The following CHLSN variants were observed in gnomAD, a reference collection of about 807,000 sequenced individuals.
CHLSN encodes the protein protein cholesin.
chr7:1,123,939 G>A, the CHLSN span, among the ~76,000 whole-genome samples: 3 of 151,668 alleles, frequency 2.0e-5, no homozygotes, highest in South Asian at 4.1e-4. This position sits in a 1 kb window ranked among gnomAD's most constrained non-coding sequence, Gnocchi z 4.4. Flanking sequence ...AAAGGCTAAG[G>A]AACCAGCTCC....
chr7:987,264 G>T, the CHLSN span: 1 of 1,506,402 alleles, frequency 6.6e-7, no homozygotes, highest in African/African-American at 1.4e-5. Context: ...CCGGCGCCTG[G>T]CGAGACGGCT....
the CHLSN span, among the ~76,000 whole-genome samples, chr7:991,601 C>A: frequency 1.3e-5 from 2 of 152,246 alleles, no homozygotes; most frequent in Admixed American, 1.3e-4. Context: ...TGCACAGGCA[C>A]GTCCCGGGGG....
the CHLSN span, among the ~76,000 whole-genome samples, chr7:1,127,698 C>T: frequency 1.5e-3 from 76 of 50,806 alleles, no homozygotes; most frequent in African/African-American, 4.1e-3. Flanking sequence ...AGTGCAGTGG[C>T]ACAATCTCGG....
chr7:1,014,160 A>T, the CHLSN span, among the ~76,000 whole-genome samples: 1 of 152,218 alleles, frequency 6.6e-6, no homozygotes, highest in African/African-American at 2.4e-5. Flanking sequence ...CTCAACAAAT[A>T]CACTGAAAAC....
the CHLSN span, among the ~76,000 whole-genome samples, chr7:1,048,118 A>G: frequency 6.6e-6 from 1 of 152,180 alleles, no homozygotes; most frequent in Non-Finnish European, 1.5e-5. Flanking sequence ...TAAAATGTCA[A>G]GGACGAGCCA....
At chr7:1,077,063 CTG>C in the CHLSN span, among the ~76,000 whole-genome samples, 1 of 152,274 alleles carries the variant, frequency 6.6e-6, no homozygotes, top group Admixed American at 6.5e-5. Context: ...TAGCTCGAGA[CTG>C]TACGACAGGG....
At chr7:1,096,516 C>G in the CHLSN span, among the ~76,000 whole-genome samples, 1 of 152,198 alleles carries the variant, frequency 6.6e-6, no homozygotes, top group African/African-American at 2.4e-5. The surrounding 1 kb of genome is among the most constrained non-coding windows in gnomAD (Gnocchi z 4.6). Flanking sequence ...CAGCCACACA[C>G]GCCCTTCTCA....
At chr7:1,108,357 G>A in the CHLSN span, among the ~76,000 whole-genome samples, 4 of 95,926 alleles carry the variant, frequency 4.2e-5, no homozygotes, top group African/African-American at 1.3e-4. Flanking sequence ...GCTGTGTCCC[G>A]CACCCCGGGG....
chr7:1,043,060 G>A, the CHLSN span, among the ~76,000 whole-genome samples: 3 of 150,468 alleles, frequency 2.0e-5, no homozygotes, highest in African/African-American at 2.4e-5. Context: ...GAGACCAGCC[G>A]GACCAACATG....
chr7:1,021,678 C>T, the CHLSN span: 3 of 592,940 alleles, frequency 5.1e-6, no homozygotes, highest in African/African-American at 2.0e-5. Context: ...CCCGGCAGGT[C>T]GGCTGGAGGC....
the CHLSN span, among the ~76,000 whole-genome samples, chr7:1,062,562 C>T: frequency 6.6e-6 from 1 of 152,176 alleles, no homozygotes; most frequent in Admixed American, 6.5e-5. Context: ...GCCACGCGGG[C>T]TGAAGGAGCA....
chr7:1,000,655 C>T, the CHLSN span: 4 of 887,898 alleles, frequency 4.5e-6, no homozygotes, highest in Admixed American at 4.5e-5. Flanking sequence ...GAGGGAGCCC[C>T]ACCAGGTACT....
At chr7:1,135,894 T>C in the CHLSN span, among the ~76,000 whole-genome samples, 2 of 133,050 alleles carry the variant, frequency 1.5e-5, no homozygotes, top group East Asian at 2.1e-4. Context: ...TATATAAATA[T>C]ATAAGTATAT....
the CHLSN span, chr7:1,091,581 C>T: frequency 2.9e-6 from 2 of 689,552 alleles, no homozygotes; most frequent in Admixed American, 2.6e-5. Flanking sequence ...CAAACCACCA[C>T]AGGTGCTCCT....
the CHLSN span, among the ~76,000 whole-genome samples, chr7:1,112,705 TAAAAA>T: frequency 1.0e-5 from 1 of 99,130 alleles, no homozygotes; most frequent in Non-Finnish European, 2.3e-5. Flanking sequence ...TCCAAATGGC[TAAAAA>T]AAAAAAAAAA....
the CHLSN span, among the ~76,000 whole-genome samples, chr7:1,084,976 G>C: frequency 6.6e-6 from 1 of 152,236 alleles, no homozygotes; most frequent in Non-Finnish European, 1.5e-5. Flanking sequence ...GCTGGCAGAG[G>C]GAGGGGCGCT....
chr7:983,423 C>G, the CHLSN span: 1 of 1,429,006 alleles, frequency 7.0e-7, no homozygotes, highest in Admixed American at 2.3e-5. Flanking sequence ...GCCGCTTGGA[C>G]AGCTGCCGTG....
At chr7:1,018,735 T>C in the CHLSN span, among the ~76,000 whole-genome samples, 1 of 151,678 alleles carries the variant, frequency 6.6e-6, no homozygotes, top group Non-Finnish European at 1.5e-5. Flanking sequence ...CAGTGAGCTG[T>C]GATCACACCA....
At chr7:1,021,005 G>A in the CHLSN span, among the ~76,000 whole-genome samples, 4 of 151,282 alleles carry the variant, frequency 2.6e-5, no homozygotes, top group Admixed American at 6.6e-5. Flanking sequence ...CTCCAGGCTG[G>A]GGACCTTCGG....
Sources: allele counts gnomAD v4.1 joint callset (sites outside exome capture counted in the v4.1 genomes callset), GRCh38; gene constraint gnomAD v4.1.1; non-coding constraint Gnocchi (gnomAD v3.1); transcripts MANE v1.5; gene names NCBI Gene and HGNC (gene_info 2026-07-23, HGNC 2026-07-21).